The following EYA2 variants were observed in gnomAD, a reference collection of about 807,000 sequenced individuals.
EYA2 encodes protein phosphatase EYA2.
In EYA2, 31 loss-of-function variants were observed where a neutral mutation model predicts 69.2. The ratio of observed to expected loss-of-function variants is 0.45; its 90% CI spans 0.34 to 0.60. The LOEUF is 0.60. EYA2 is among the 20% of genes least tolerant of loss of function. The pLI, the probability that EYA2 is intolerant of heterozygous loss-of-function variation, is 0.02. For missense variants in EYA2, 622 were observed against 701.2 expected (o/e 0.89, Z 1.28); for synonymous variants, 257 against 279.4 (o/e 0.92, Z 0.80).
chr20:47,103,625 G>A (rs915835348), intron 9 of EYA2, among the ~76,000 whole-genome samples: 9 of 152,054 alleles, frequency 5.9e-5, no homozygotes, highest in African/African-American at 2.2e-4. Flanking sequence ...AGTGTAGGGG[G>A]AAGAGCCCCT....
At chr20:47,039,948 C>T (rs1984953010) in intron 5 of EYA2, among the ~76,000 whole-genome samples, 1 of 140,720 alleles carries the variant, frequency 7.1e-6, no homozygotes, top group South Asian at 2.3e-4. Flanking sequence ...TCAAGCGGTT[C>T]TCCTGCCTCA....
At chr20:47,073,401 C>T (rs898763465) in intron 6 of EYA2, among the ~76,000 whole-genome samples, 2 of 152,062 alleles carry the variant, frequency 1.3e-5, no homozygotes, top group Admixed American at 1.3e-4. Context: ...TGTATTTGCA[C>T]CTCCTCCCCA....
At chr20:47,008,534 C>G (rs1055062615) in intron 4 of EYA2, among the ~76,000 whole-genome samples, 1 of 152,226 alleles carries the variant, frequency 6.6e-6, no homozygotes, top group African/African-American at 2.4e-5. Context: ...GCTTGGCTGA[C>G]AGCCAAGAAA....
At chr20:47,055,881 G>A (rs2030587009) in intron 5 of EYA2, among the ~76,000 whole-genome samples, 1 of 151,936 alleles carries the variant, frequency 6.6e-6, no homozygotes, top group African/African-American at 2.4e-5. Flanking sequence ...CTGCATTTTG[G>A]ACATCTCTCC....
intron 5 of EYA2, among the ~76,000 whole-genome samples, chr20:47,018,925 G>A (rs576383634): frequency 7.2e-5 from 11 of 152,252 alleles, no homozygotes; most frequent in Non-Finnish European, 1.2e-4. Flanking sequence ...AGGACTCCAG[G>A]AACTGTCCTA....
chr20:47,043,112 T>C (rs1985172019), intron 5 of EYA2, among the ~76,000 whole-genome samples: 1 of 152,164 alleles, frequency 6.6e-6, no homozygotes, highest in African/African-American at 2.4e-5. Context: ...TATAGAGCTG[T>C]GATAAAAGAA....
At chr20:47,111,606 G>A (rs76077406) in intron 9 of EYA2, among the ~76,000 whole-genome samples, 8,983 of 152,210 alleles carry the variant, frequency 0.059, 640 homozygotes, top group African/African-American at 0.17. Flanking sequence ...TGGAACTGGC[G>A]TGCCATTTGG....
intron 7 of EYA2, among the ~76,000 whole-genome samples, chr20:47,077,402 A>C (rs1262683929): frequency 6.6e-6 from 1 of 152,228 alleles, no homozygotes; most frequent in Non-Finnish European, 1.5e-5. Context: ...AATACGTTAG[A>C]ATGTCAGTAG....
chr20:46,996,032 CCTAT>C (rs1981996831), intron 2 of EYA2, among the ~76,000 whole-genome samples: 1 of 152,202 alleles, frequency 6.6e-6, no homozygotes, highest in African/African-American at 2.4e-5. Flanking sequence ...ACCCCTTAAG[CCTAT>C]CTGTTTTCTT....
intron 5 of EYA2, among the ~76,000 whole-genome samples, chr20:47,050,822 G>C (rs1161599695): frequency 6.6e-6 from 1 of 152,242 alleles, no homozygotes; most frequent in Admixed American, 6.5e-5. Flanking sequence ...CTTTGCAGGA[G>C]TGGAGTTGAT....
intron 1 of EYA2, chr20:46,978,573 T>G: frequency 1.9e-6 from 1 of 534,762 alleles, no homozygotes. Context: ...AAGGCTGTGT[T>G]CGGAACTCTT....
intron 1 of EYA2, among the ~76,000 whole-genome samples, chr20:46,975,706 G>A (rs1980418450): frequency 6.6e-6 from 1 of 152,110 alleles, no homozygotes; most frequent in Non-Finnish European, 1.5e-5. Flanking sequence ...CCTGAGGTCA[G>A]GTGTTCGAGA....
At position 47,176,705 on chromosome 20, in the gene EYA2, A is replaced by AT. The variant is rs531422989; in HGVS notation, c.1199-3085dup. On this transcript the variant is annotated intron_variant, in intron 12 of 15. Transcript: ENST00000327619. ...AATGGCTTAAACCAGATAGAAATGTATTTTTTTTCTTATATACAAAAGCTG... is the reference window on the plus strand; with the variant it reads ...AATGGCTTAAACCAGATAGAAATGTATTTTTTTTTCTTATATACAAAAGCTG... Among the ~76,000 whole-genome samples the AT allele has an allele frequency of 3.8e-4, 57 of 151,998 alleles. No individual in the cohort carries two copies. The East Asian group carries it at 9.5e-3, about 25-fold the overall frequency.
intron 9 of EYA2, among the ~76,000 whole-genome samples, chr20:47,108,180 T>C (rs2032645042): frequency 6.6e-6 from 1 of 152,246 alleles, no homozygotes; most frequent in Non-Finnish European, 1.5e-5. Flanking sequence ...ATCCCCATTG[T>C]TGAAGGTGGG....
intron 5 of EYA2, among the ~76,000 whole-genome samples, chr20:47,021,019 T>C (rs1430401204): frequency 6.6e-6 from 1 of 152,184 alleles, no homozygotes; most frequent in East Asian, 1.9e-4. Context: ...TCCTTCCCTA[T>C]GAAATGGGGA....
intron 9 of EYA2, among the ~76,000 whole-genome samples, chr20:47,142,191 T>C (rs996235296): frequency 2.0e-5 from 3 of 152,218 alleles, no homozygotes; most frequent in African/African-American, 7.2e-5. Context: ...TCATTAGTCA[T>C]ACAAAAACAA....
At chr20:47,169,899 TA>T (rs901636244) in intron 11 of EYA2, among the ~76,000 whole-genome samples, 3 of 151,510 alleles carry the variant, frequency 2.0e-5, no homozygotes, top group African/African-American at 4.8e-5. Context: ...TACATATATA[TA>T]TTTTTTTCTT....
At chr20:46,920,504 G>A in intron 1 of EYA2, among the ~76,000 whole-genome samples, 1 of 152,092 alleles carries the variant, frequency 6.6e-6, no homozygotes, top group Non-Finnish European at 1.5e-5. Flanking sequence ...CCTTTTGTGG[G>A]TTCTCCCAGT....
chr20:47,147,198 G>A (rs1312890681), intron 10 of EYA2, among the ~76,000 whole-genome samples: 2 of 151,712 alleles, frequency 1.3e-5, no homozygotes, highest in African/African-American at 2.4e-5. Flanking sequence ...ACAGGCACAC[G>A]CCACCATGTC....
Sources: gnomAD v4.1 joint callset for allele counts (sites outside exome capture counted in the v4.1 genomes callset) on GRCh38, gnomAD v4.1.1 for gene constraint, MANE v1.5 for transcripts, NCBI Gene and HGNC (gene_info 2026-07-23, HGNC 2026-07-21) for gene names.